RSF1: variants seen among roughly 807,000 people sequenced by gnomAD.
The protein encoded by RSF1 is HBV pX-associated protein 8.
A neutral mutation model predicts 145.2 loss-of-function variants in RSF1; 13 were observed. The ratio of observed to expected loss-of-function variants is 0.09; its 90% CI spans 0.06 to 0.14. The LOEUF is 0.14. Ranked by LOEUF, RSF1 falls within the 10% of genes least tolerant of loss-of-function variation. The pLI is 1.00. For synonymous variants in RSF1, 577 were observed against 592.6 expected (o/e 0.97, Z 0.38); for missense variants, 1,517 against 1,718.2 (o/e 0.88, Z 2.07).
intron 1 of RSF1, among the ~76,000 whole-genome samples, chr11:77,797,593 T>C (rs530247079): frequency 4.2e-4 from 64 of 152,274 alleles, no homozygotes; most frequent in African/African-American, 1.4e-3. Flanking sequence ...ATCCAGGACA[T>C]AGGCATGGGC....
chr11:77,691,019 C>A (rs1347486317), intron 9 of RSF1, 140 bp downstream of exon 9: 13 of 678,706 alleles, frequency 1.9e-5, no homozygotes, highest in Non-Finnish European at 2.9e-5. Flanking sequence ...GCAGGCAGTA[C>A]AAAAACAAAA....
At chr11:77,835,722 C>T in the RSF1 span, among the ~76,000 whole-genome samples, 339 of 151,902 alleles carry the variant, frequency 2.2e-3, no homozygotes, top group African/African-American at 7.3e-3. Flanking sequence ...AATTTGAGAC[C>T]AGCCTGGCAA....
chr11:77,754,011 T>C (rs1426236733), intron 2 of RSF1, among the ~76,000 whole-genome samples: 1 of 152,154 alleles, frequency 6.6e-6, no homozygotes, highest in Non-Finnish European at 1.5e-5. Flanking sequence ...AGCCCCCAAA[T>C]GCTAGAGGAG....
chr11:77,813,488 G>A, intron 1 of RSF1: 1 of 940,616 alleles, frequency 1.1e-6, no homozygotes, highest in Non-Finnish European at 1.7e-6. Flanking sequence ...TTTCTGTAGT[G>A]ATTCTCAAAG....
At chr11:77,814,159 C>T (rs1948759236) in intron 1 of RSF1, among the ~76,000 whole-genome samples, 1 of 148,354 alleles carries the variant, frequency 6.7e-6, no homozygotes, top group Admixed American at 6.8e-5. Context: ...AGGATCGCGC[C>T]ACTGCACTCC....
intron 1 of RSF1, among the ~76,000 whole-genome samples, chr11:77,767,890 G>C (rs912690313): frequency 6.6e-6 from 1 of 152,000 alleles, no homozygotes; most frequent in Non-Finnish European, 1.5e-5. Flanking sequence ...GCCAATACAA[G>C]ACAAAAATAA....
intron 14 of RSF1, among the ~76,000 whole-genome samples, chr11:77,673,697 T>C (rs1332420845): frequency 6.6e-6 from 1 of 152,188 alleles, no homozygotes. Flanking sequence ...GAAAAGGATA[T>C]TTAAATAGTC....
upstream of RSF1, among the ~76,000 whole-genome samples, chr11:77,823,101 G>C (rs1747261175): frequency 1.3e-5 from 2 of 151,056 alleles, no homozygotes; most frequent in Non-Finnish European, 2.9e-5. Flanking sequence ...CCTGTAGACA[G>C]CTACTCGGGA....
chr11:77,842,499 G>T, the RSF1 span: 2 of 1,613,428 alleles, frequency 1.2e-6, no homozygotes, highest in South Asian at 2.2e-5. Context: ...AGTTCCTTAT[G>T]ACTTCCCCTG....
At chr11:77,762,514 T>C (rs888146661) in intron 2 of RSF1, 3 of 152,246 alleles carry the variant, frequency 2.0e-5, no homozygotes, top group Admixed American at 6.5e-5. Flanking sequence ...CCACTCACTG[T>C]CATTTTCTCA....
At position 77,820,613 on chromosome 11, in the gene RSF1, C is replaced by T. The variant is rs763374993; in HGVS notation, c.102G>A (p.Gly34=). 4.5e-6 allele frequency: 7 copies of T among 1,566,944 alleles called. No homozygotes were observed. Among genetic ancestry groups the T allele is most frequent in the Middle Eastern group, 1.9e-4 (1 of 5,138 alleles). The change falls in exon 1 of 16, where the codon GGG becomes GGA. Residue 34 remains glycine, a synonymous_variant. Coordinates refer to ENST00000308488, the MANE Select transcript of RSF1 (RefSeq NM_016578.4). ...AVVCSFLERY[G]PLLDLPELPF... The stretch of plus-strand genomic sequence containing the variant: ...GCAACTCAGGCAGGTCTAGCAGCGG[C>T]CCGTAGCGCTCCAAGAAGGAGCAGA...
chr11:77,736,055 G>T (rs540235321), intron 4 of RSF1, among the ~76,000 whole-genome samples: 1 of 152,298 alleles, frequency 6.6e-6, no homozygotes, highest in South Asian at 2.1e-4. Flanking sequence ...ATTTTCTAAA[G>T]AAATCTCTTG....
chr11:77,691,821 G>A (rs975347962), intron 8 of RSF1: 9 of 152,200 alleles, frequency 5.9e-5, no homozygotes, highest in African/African-American at 2.2e-4. Flanking sequence ...GCTGAAAAAT[G>A]TACTTGATAA....
chr11:77,725,833 C>T (rs1961041577), intron 4 of RSF1, 134 bp from the exon 5 acceptor site: 2 of 532,254 alleles, frequency 3.8e-6, no homozygotes, highest in African/African-American at 3.9e-5. Context: ...GTACAGCTAG[C>T]CCTAATTAAC....
chr11:77,734,178 TAAC>T (rs755564480), intron 4 of RSF1, among the ~76,000 whole-genome samples: 1 of 152,184 alleles, frequency 6.6e-6, no homozygotes, highest in African/African-American at 2.4e-5. Context: ...TAATGAAACT[TAAC>T]TACTTCTATT....
Position 77,702,377 on chromosome 11 carries a change from C to G in RSF1, c.852G>C (p.Lys284Asn). 4 of 1,610,262 alleles carry G rather than the reference C, an allele frequency of 2.5e-6. No individual in the cohort carries two copies. Among genetic ancestry groups the G allele is most frequent in the Non-Finnish European group, 3.4e-6 (4 of 1,179,192 alleles). The change falls in exon 6 of 16, where the codon AAG becomes AAC. Residue 284 changes from lysine (K) to asparagine (N), a missense_variant. This residue lies in a region of RSF1 where 207 missense variants were observed against 191.4 expected (regional missense o/e 1.08). Coordinates refer to ENST00000308488, the MANE Select transcript of RSF1 (RefSeq NM_016578.4). ...CTATGACTGGCAGTTTCACAAGTTC[C>G]TTTTCATCTTCTTTTTCTTTTTTCA... ...TTVKKEKEDE[K>N]ELVKLPVIVK...
At chr11:77,839,074 G>A in the RSF1 span, among the ~76,000 whole-genome samples, 10 of 151,948 alleles carry the variant, frequency 6.6e-5, no homozygotes, top group East Asian at 1.7e-3. Flanking sequence ...TACTTTCTTT[G>A]AAGTCTTTGC....
chr11:77,734,866 T>C (rs1228866582), intron 4 of RSF1: 5 of 1,583,614 alleles, frequency 3.2e-6, no homozygotes, highest in Non-Finnish European at 4.3e-6. Flanking sequence ...AAGAAAGTAT[T>C]TGGCAAAGTT....
At chr11:77,728,275 C>G (rs1288350249) in intron 4 of RSF1, among the ~76,000 whole-genome samples, 1 of 152,038 alleles carries the variant, frequency 6.6e-6, no homozygotes, top group East Asian at 1.9e-4. Context: ...AATGAATAAA[C>G]AAAATCTAGT....
Sources: allele counts gnomAD v4.1 joint callset (sites outside exome capture counted in the v4.1 genomes callset), GRCh38; gene constraint gnomAD v4.1.1; regional missense constraint gnomAD v4.1.1; transcripts MANE v1.5; gene names NCBI Gene and HGNC (gene_info 2026-07-23, HGNC 2026-07-21).